AK8: variants seen among roughly 807,000 people sequenced by gnomAD.
The protein encoded by AK8 is adenylate kinase 8.
AK8 carries 44 observed loss-of-function variants against 54.6 expected under a neutral mutation model. That is an observed-to-expected ratio of 0.81 (90% confidence interval 0.63 to 1.04). The LOEUF (loss-of-function observed/expected upper bound fraction) is 1.04, where lower values mean the gene tolerates loss of function less well. Among genes scored for constraint, AK8 ranks in the 50% least tolerant of loss-of-function variants. The pLI, the probability that AK8 is intolerant of heterozygous loss-of-function variation, is 0.00. For missense variants in AK8, 555 were observed against 613.6 expected (o/e 0.90, Z 1.01); for synonymous variants, 239 against 245.6 (o/e 0.97, Z 0.25).
chr9:132,810,303 T>C (rs939297345), intron 10 of AK8, among the ~76,000 whole-genome samples: 1 of 152,148 alleles, frequency 6.6e-6, no homozygotes. Flanking sequence ...AAGATCGAAG[T>C]GATCCGGGTC....
rs1028085931 is a variant in AK8, at chr9:132,826,156, G to A, written c.757+698C>T. 4.6e-5 allele frequency among the ~76,000 whole-genome samples: 7 copies of A among 152,260 alleles called. No individual in the cohort carries two copies. Among genetic ancestry groups the A allele is most frequent in the Middle Eastern group, 3.4e-3 (1 of 294 alleles). On this transcript the variant is annotated intron_variant, in intron 8 of 12. Coordinates refer to ENST00000298545, the MANE Select transcript of AK8 (RefSeq NM_152572.3). This position sits in a 1 kb window ranked among gnomAD's most constrained non-coding sequence, Gnocchi z 4.5. ...AGAATCCCATTTAATCCTCACCTAC[G>A]CCTGGGAGGAGGGCACAAGTTTTGT...
At chr9:132,833,353 G>A (rs1391738579) in intron 5 of AK8, among the ~76,000 whole-genome samples, 1 of 152,194 alleles carries the variant, frequency 6.6e-6, no homozygotes, top group African/African-American at 2.4e-5. Context: ...AATAGCACCC[G>A]ACAACTGCCA....
At chr9:132,778,933 T>C (rs941008837) in intron 11 of AK8, among the ~76,000 whole-genome samples, 1 of 146,818 alleles carries the variant, frequency 6.8e-6, no homozygotes, top group African/African-American at 2.6e-5. Flanking sequence ...CAATTTTGTC[T>C]TTGACTATTT....
intron 11 of AK8, among the ~76,000 whole-genome samples, chr9:132,757,646 G>A (rs1335483681): frequency 2.0e-5 from 3 of 152,158 alleles, no homozygotes; most frequent in Non-Finnish European, 4.4e-5. Context: ...TCCGAAAGGC[G>A]GCAACCGCAG....
At chr9:132,741,070 T>A (rs1176523634) in intron 11 of AK8, among the ~76,000 whole-genome samples, 2 of 152,114 alleles carry the variant, frequency 1.3e-5, no homozygotes, top group Non-Finnish European at 2.9e-5. Flanking sequence ...TTCCCCCCAT[T>A]TCCTGGGGGC....
At chr9:132,832,063 GAAAAAAAAA>G (rs11284701) in intron 5 of AK8, among the ~76,000 whole-genome samples, 11 of 12,418 alleles carry the variant, frequency 8.9e-4, no homozygotes, top group Non-Finnish European at 1.1e-3. Flanking sequence ...CCTTGTCTCT[GAAAAAAAAA>G]AAAAAAAAAA....
chr9:132,795,622 T>C (rs1371306921), intron 10 of AK8, among the ~76,000 whole-genome samples: 6 of 152,198 alleles, frequency 3.9e-5, no homozygotes, highest in Non-Finnish European at 7.3e-5. Context: ...CAGTGGGTAG[T>C]TGCTGACCAT....
Position 132,725,637 on chromosome 9 carries a change from G to A in AK8, c.*51C>T. 2 of 1,483,528 alleles carry A rather than the reference G, an allele frequency of 1.3e-6. No individual in the cohort carries two copies. Among genetic ancestry groups the A allele is most frequent in the Non-Finnish European group, 1.8e-6 (2 of 1,087,024 alleles). 91.9% of individuals were successfully genotyped at this position (1,483,528 alleles called of 1,614,324 possible). On this transcript the variant is annotated 3_prime_UTR_variant, in exon 13 of 13. Coordinates refer to ENST00000298545, the MANE Select transcript of AK8 (RefSeq NM_152572.3). ...AGCTGTGCCGAGGCTGGGGGGCTGG[G>A]GGCAGGGGATTAACTCTTTCCCTGG...
intron 5 of AK8, among the ~76,000 whole-genome samples, chr9:132,852,036 T>C (rs1263284672): frequency 6.6e-6 from 1 of 151,956 alleles, no homozygotes; most frequent in African/African-American, 2.4e-5. Context: ...AGATACAGTC[T>C]CAGCAAAGAC....
At chr9:132,747,533 C>T (rs1319392814) in intron 11 of AK8, among the ~76,000 whole-genome samples, 5 of 151,288 alleles carry the variant, frequency 3.3e-5, no homozygotes, top group African/African-American at 1.2e-4. Flanking sequence ...CTGCAACCTC[C>T]GCATCCCAGG....
chr9:132,849,965 T>G (rs1465442842), intron 5 of AK8, among the ~76,000 whole-genome samples: 1 of 152,068 alleles, frequency 6.6e-6, no homozygotes, highest in Non-Finnish European at 1.5e-5. Context: ...CAGGCTGGTC[T>G]TGAACTCCTG....
At chr9:132,734,164 T>A (rs1836989361) in intron 11 of AK8, among the ~76,000 whole-genome samples, 1 of 152,222 alleles carries the variant, frequency 6.6e-6, no homozygotes, top group African/African-American at 2.4e-5. Flanking sequence ...TTGAGAATTA[T>A]CTGGAAGGCT....
chr9:132,827,917 C>G (rs1189105371), intron 7 of AK8, 96 bp downstream of exon 7: 1 of 1,286,772 alleles, frequency 7.8e-7, no homozygotes, highest in Non-Finnish European at 1.1e-6. Flanking sequence ...TGTGGGTGCC[C>G]AGAGCAGAAT....
chr9:132,816,354 C>CAAAA (rs35474843), intron 9 of AK8, among the ~76,000 whole-genome samples: 1 of 91,088 alleles, frequency 1.1e-5, no homozygotes. Flanking sequence ...GACTTTGTCT[C>CAAAA]AAAAAAAAAA....
chr9:132,785,362 A>G (rs1588128255), intron 11 of AK8, among the ~76,000 whole-genome samples: 2 of 152,190 alleles, frequency 1.3e-5, no homozygotes, highest in African/African-American at 4.8e-5. Flanking sequence ...TCGGCCTCCC[A>G]AAGTGCTGGG....
intron 1 of AK8, among the ~76,000 whole-genome samples, chr9:132,875,748 GC>G (rs2131455980): frequency 6.6e-6 from 1 of 152,284 alleles, no homozygotes; most frequent in South Asian, 2.1e-4. Flanking sequence ...CATCCCCCCG[GC>G]AGGCCATGGG....
chr9:132,828,434 G>A (rs1319960735), intron 6 of AK8, among the ~76,000 whole-genome samples: 1 of 152,220 alleles, frequency 6.6e-6, no homozygotes, highest in Non-Finnish European at 1.5e-5. Flanking sequence ...ACAAGGAATC[G>A]CCAGGCTGAA....
intron 11 of AK8, among the ~76,000 whole-genome samples, chr9:132,755,892 CCAGTAGCTGGGATCACAGG>C (rs1838164367): frequency 6.6e-6 from 1 of 152,122 alleles, no homozygotes; most frequent in Non-Finnish European, 1.5e-5. Flanking sequence ...CTCAGCCTCC[CCAGTAGCTGGGATCACAGG>C]CATGCGCCAC....
chr9:132,807,277 A>G (rs566023617), intron 10 of AK8, among the ~76,000 whole-genome samples: 82 of 152,152 alleles, frequency 5.4e-4, no homozygotes, highest in Non-Finnish European at 9.8e-4. Context: ...TGCAGAGTGT[A>G]TGCAGAGACA....
Sources: allele counts gnomAD v4.1 joint callset (sites outside exome capture counted in the v4.1 genomes callset), GRCh38; gene constraint gnomAD v4.1.1; non-coding constraint Gnocchi (gnomAD v3.1); transcripts MANE v1.5; gene names NCBI Gene and HGNC (gene_info 2026-07-23, HGNC 2026-07-21).